The following KCTD3 variants were observed in gnomAD, a reference collection of about 807,000 sequenced individuals.
The protein encoded by KCTD3 is BTB/POZ domain-containing protein KCTD3.
Under a neutral mutation model 85.8 loss-of-function variants are expected in KCTD3, and 41 were observed. The observed-to-expected ratio is 0.48, with a 90% confidence interval of 0.37 to 0.62. KCTD3 has a LOEUF of 0.62. KCTD3 is among the 20% of genes least tolerant of loss of function. The pLI is 0.00. For synonymous variants in KCTD3, 338 were observed against 345.4 expected, an observed-to-expected ratio of 0.98 and a Z score of 0.24; for missense variants, 724 against 989.9, an observed-to-expected ratio of 0.73 and a Z score of 3.60.
intron 14 of KCTD3, among the ~76,000 whole-genome samples, chr1:215,610,132 T>TTA (rs1171152731): frequency 6.6e-6 from 1 of 151,850 alleles, no homozygotes; most frequent in Non-Finnish European, 1.5e-5. Flanking sequence ...GACATACAGA[T>TTA]TAGTGGAACA....
At chr1:215,575,794 AAT>A in intron 3 of KCTD3, 105 bp from the exon 4 acceptor site, 1 of 615,958 alleles carries the variant, frequency 1.6e-6, no homozygotes, top group Non-Finnish European at 2.8e-6. Context: ...GAAACAAGGA[AAT>A]GTAGTATTTA....
chr1:215,579,915 C>G lies in KCTD3; in HGVS notation c.542C>G (p.Pro181Arg). Residue 181 changes from proline to arginine, a missense_variant, in exon 8 of 18, where the codon CCT becomes CGT. Pro to Arg is a moderately radical substitution (Grantham distance 103). Around this residue, in one of 6 missense-constraint regions of KCTD3, gnomAD observed 106 missense variants for 98.2 expected, o/e 1.08. Transcript: ENST00000259154. ...TGEETVRLGF[P>R]VDPRKVLIVA... is the part of the protein sequence containing the mutation. Reference sequence around the variant, plus strand: ...CTTTTTCCAAAATCAACAGGATTTCCTGTGGATCCACGAAAGGTGCTAATA... The same window carrying G: ...CTTTTTCCAAAATCAACAGGATTTCGTGTGGATCCACGAAAGGTGCTAATA... The G allele has an allele frequency of 6.2e-7, 1 of 1,611,360 alleles. No individual in the cohort carries two copies. Among genetic ancestry groups the G allele is most frequent in the Non-Finnish European group, 8.5e-7 (1 of 1,177,614 alleles).
intron 9 of KCTD3, among the ~76,000 whole-genome samples, chr1:215,594,974 A>G (rs56253877): frequency 2.0e-5 from 3 of 152,198 alleles, no homozygotes; most frequent in African/African-American, 7.2e-5. Flanking sequence ...TAACTCACCT[A>G]TGGATTTTGT....
At position 215,579,098 on chromosome 1, in the gene KCTD3, C is replaced by A; in HGVS notation, c.496C>A (p.Pro166Thr). The A allele has an allele frequency of 6.2e-7, 1 of 1,608,726 alleles. No homozygotes were observed. The highest frequency in any genetic ancestry group is 2.2e-5 in the East Asian group (1 of 44,540). Residue 166 changes from proline (P) to threonine (T), a missense_variant, in exon 7 of 18, where the codon CCT becomes ACT. This residue lies in a region of KCTD3 where 106 missense variants were observed against 98.2 expected (regional missense o/e 1.08). Transcript: ENST00000259154. ...TGAAGCCCGGGGAAATGGTACACAG[C>A]CTGTTCTCTCTGGAACGGGAGAAGA... The part of the protein sequence containing the change: ...EGEARGNGTQ[P>T]VLSGTGEETV...
chr1:215,609,604 G>A (rs1200192473), intron 14 of KCTD3, among the ~76,000 whole-genome samples: 4 of 151,838 alleles, frequency 2.6e-5, no homozygotes, highest in Admixed American at 2.6e-4. Context: ...AGAGAGTGAA[G>A]CAAGGAAACC....
Position 215,620,057 on chromosome 1 carries a change from C to T in KCTD3, c.1887C>T (p.Ser629=), listed in dbSNP as rs1365271651. ...GTCATTTTTAAAAACTGTATTTCAGCCTTCAGCTTCAGCACCATGATACCA... is the reference window on the plus strand; with the variant it reads ...GTCATTTTTAAAAACTGTATTTCAGTCTTCAGCTTCAGCACCATGATACCA... ...QHSHLRESNS[S]LQLQHHDTTH... The change falls in exon 18 of 18, where the codon AGC becomes AGT. Residue 629 remains serine (S), a splice_region_variant and synonymous_variant. Transcript: ENST00000259154. 1.9e-6 allele frequency: 3 copies of T among 1,562,186 alleles called. No homozygotes were observed. Among genetic ancestry groups the T allele is most frequent in the Non-Finnish European group, 2.6e-6 (3 of 1,159,944 alleles).
chr1:215,606,979 C>T (rs1402864645), intron 13 of KCTD3, among the ~76,000 whole-genome samples: 4 of 151,796 alleles, frequency 2.6e-5, no homozygotes, highest in Non-Finnish European at 2.9e-5. Flanking sequence ...AACTAAATAG[C>T]CTAGAACAAA....
chr1:215,591,992 A>G (rs1176343770), intron 9 of KCTD3, among the ~76,000 whole-genome samples: 2 of 152,212 alleles, frequency 1.3e-5, no homozygotes, highest in Non-Finnish European at 2.9e-5. Context: ...GGAGCAAGTC[A>G]CATCTTATGT....
chr1:215,610,298 A>C (rs1447379949), intron 14 of KCTD3, among the ~76,000 whole-genome samples: 1 of 151,924 alleles, frequency 6.6e-6, no homozygotes, highest in Non-Finnish European at 1.5e-5. Flanking sequence ...ACATGATCTT[A>C]GCCAAAAGGC....
rs1043878080 is a variant in KCTD3, at chr1:215,576,052, T to G, written c.257+78T>G. The G allele has an allele frequency of 3.5e-4, 300 of 847,952 alleles. No individual in the cohort carries two copies. The highest frequency in any genetic ancestry group is 5.2e-4 in the Middle Eastern group (2 of 3,828). 52.5% of individuals were successfully genotyped at this position (847,952 alleles called of 1,614,324 possible). On this transcript the variant is annotated intron_variant, in intron 4 of 17. Transcript: ENST00000259154. ...TAATATGTTTTATGAAATAAAAGGTTTTTTTTGTTTGTTTTTTTTTTTCCT... is the reference window on the plus strand; with the variant it reads ...TAATATGTTTTATGAAATAAAAGGTGTTTTTTGTTTGTTTTTTTTTTTCCT...
intron 10 of KCTD3, among the ~76,000 whole-genome samples, chr1:215,596,937 A>G (rs531621739): frequency 1.3e-5 from 2 of 152,274 alleles, no homozygotes; most frequent in Admixed American, 6.5e-5. Context: ...GTTTGACCCA[A>G]CAGGGAGTAG....
chr1:215,612,493 G>T (rs1655271219), intron 15 of KCTD3, among the ~76,000 whole-genome samples: 1 of 151,878 alleles, frequency 6.6e-6, no homozygotes, highest in Non-Finnish European at 1.5e-5. Flanking sequence ...CTGTCTTTAT[G>T]CAGTCTCCTC....
At chr1:215,607,537 A>G (rs901779671) in intron 13 of KCTD3, among the ~76,000 whole-genome samples, 3 of 152,048 alleles carry the variant, frequency 2.0e-5, no homozygotes, top group Non-Finnish European at 4.4e-5. Flanking sequence ...TAATGTAACT[A>G]TGAGTTGGCA....
chr1:215,596,720 A>G (rs138048372), intron 10 of KCTD3, among the ~76,000 whole-genome samples: 12 of 152,298 alleles, frequency 7.9e-5, no homozygotes, highest in African/African-American at 2.9e-4. Context: ...GAAAGCAGAG[A>G]ATCCAAGTGA....
intron 1 of KCTD3, among the ~76,000 whole-genome samples, chr1:215,569,993 T>C (rs968635671): frequency 6.6e-6 from 1 of 152,208 alleles, no homozygotes; most frequent in African/African-American, 2.4e-5. Context: ...CTAGATTTGC[T>C]TTGAATCCTA....
intron 17 of KCTD3, among the ~76,000 whole-genome samples, chr1:215,619,812 C>A (rs758580953): frequency 6.6e-6 from 1 of 151,750 alleles, no homozygotes; most frequent in South Asian, 2.1e-4. Flanking sequence ...TTCCTCCCAT[C>A]TTTTTTTTAG....
chr1:215,611,958 C>A, intron 15 of KCTD3, 37 bp downstream of exon 15: 1 of 1,346,992 alleles, frequency 7.4e-7, no homozygotes, highest in South Asian at 1.2e-5. Context: ...TATTCAGAAG[C>A]CACCTTTTGT....
chr1:215,618,827 AG>A, intron 15 of KCTD3, 58 bp from the exon 16 acceptor site: 1 of 1,265,780 alleles, frequency 7.9e-7, no homozygotes, highest in Non-Finnish European at 1.1e-6. Context: ...TTAGTTTCAT[AG>A]CTTCTTTTTA....
chr1:215,580,907 A>G, intron 8 of KCTD3: 1 of 456,150 alleles, frequency 2.2e-6, no homozygotes, highest in Non-Finnish European at 4.5e-6. Context: ...TGCTGTTTAT[A>G]TCAGTAATCT....
Sources: allele counts gnomAD v4.1 joint callset (sites outside exome capture counted in the v4.1 genomes callset), GRCh38; gene constraint gnomAD v4.1.1; regional missense constraint gnomAD v4.1.1; transcripts MANE v1.5; gene names NCBI Gene and HGNC (gene_info 2026-07-23, HGNC 2026-07-21).